PCDHGA12: variants seen among roughly 807,000 people sequenced by gnomAD.
The protein encoded by PCDHGA12 is protocadherin gamma-A12.
In PCDHGA12, 43 loss-of-function variants were observed where a neutral mutation model predicts 61.1. The ratio of observed to expected loss-of-function variants is 0.70; its 90% confidence interval spans 0.55 to 0.91. PCDHGA12 has a LOEUF of 0.91. Among genes scored for constraint, PCDHGA12 ranks in the 40% least tolerant of loss-of-function variants. The probability of loss-of-function intolerance (pLI) is 0.00; values close to 1 mark genes in which losing one functional copy is unlikely to be tolerated. For missense variants in PCDHGA12, 1,236 were observed against 1,227.7 expected (o/e 1.01, Z -0.10); for synonymous variants, 520 against 542.9 (o/e 0.96, Z 0.59).
intron 2 of PCDHGA12, among the ~76,000 whole-genome samples, chr5:141,500,614 C>T (rs1300242596): frequency 1.3e-5 from 2 of 152,204 alleles, no homozygotes; most frequent in African/African-American, 4.8e-5. Context: ...TATTCCCAGT[C>T]ATACGGTACA....
At chr5:141,453,544 C>T (rs540372287) in intron 1 of PCDHGA12, among the ~76,000 whole-genome samples, 12 of 152,310 alleles carry the variant, frequency 7.9e-5, no homozygotes, top group African/African-American at 2.9e-4. Flanking sequence ...ATTCACACCA[C>T]ACTCTGTAGA....
chr5:141,432,949 C>A lies in PCDHGA12; in HGVS notation c.2190C>A (p.Gly730=), dbSNP rs764998032. The part of the protein sequence containing the change: ...HKSRLLQASG[G]GLTGAPASHF... ...CACGCCTGCTGCAGGCTTCAGGAGG[C>A]GGCTTGACAGGAGCGCCGGCGTCGC... The change falls in exon 1 of 4, where the codon GGC becomes GGA. Residue 730 remains glycine (G), a synonymous_variant. Transcript: ENST00000252085. This position sits in a 1 kb window ranked among gnomAD's most constrained non-coding sequence, Gnocchi z 6.0. The A allele has an allele frequency of 1.9e-6, 3 of 1,614,184 alleles. No homozygotes were observed. The highest frequency in any genetic ancestry group is 2.5e-6 in the Non-Finnish European group (3 of 1,180,040).
chr5:141,465,019 G>T (rs533151051), intron 1 of PCDHGA12, among the ~76,000 whole-genome samples: 1 of 151,978 alleles, frequency 6.6e-6, no homozygotes, highest in Non-Finnish European at 1.5e-5. Context: ...TAAGATTACA[G>T]CCATGAACCA....
intron 1 of PCDHGA12, among the ~76,000 whole-genome samples, chr5:141,456,538 A>T (rs1010588747): frequency 7.2e-5 from 11 of 152,184 alleles, no homozygotes; most frequent in Admixed American, 3.3e-4. Context: ...TTAAAGAGGG[A>T]TTGTAGCCAC....
At chr5:141,441,981 C>A in intron 1 of PCDHGA12, 1 of 278,140 alleles carries the variant, frequency 3.6e-6, no homozygotes, top group South Asian at 3.6e-5. Context: ...GCCTGGAATG[C>A]GCACCGACGA....
Position 141,456,380 on chromosome 5 carries a change from C to T in PCDHGA12, c.2424+23197C>T, listed in dbSNP as rs186993611. ...CCATGTGTGGTTCAGTTTACAGCAC[C>T]GTTTGGAGTTTGATTGCTTCTAGGC... is the stretch of plus-strand genomic sequence containing the variant. On this transcript the variant is annotated intron_variant, in intron 1 of 3. Coordinates refer to ENST00000252085, the MANE Select transcript of PCDHGA12 (RefSeq NM_003735.3). Among the ~76,000 whole-genome samples, 427 of 152,082 alleles carry T rather than the reference C, an allele frequency of 2.8e-3. 1 individual carries two copies. Among genetic ancestry groups the T allele is most frequent in the Non-Finnish European group, 2.7e-3 (184 of 68,004 alleles).
chr5:141,451,233 T>A (rs1431967203), intron 1 of PCDHGA12, among the ~76,000 whole-genome samples: 1 of 152,216 alleles, frequency 6.6e-6, no homozygotes, highest in African/African-American at 2.4e-5. Flanking sequence ...GCATTTATTA[T>A]CTCATAAATT....
At chr5:141,454,838 C>G (rs1472341694) in intron 1 of PCDHGA12, among the ~76,000 whole-genome samples, 1 of 100,816 alleles carries the variant, frequency 9.9e-6, no homozygotes, top group South Asian at 3.5e-4. Flanking sequence ...GACAGAGTCG[C>G]GCTCTGTCAC....
rs554845172 is a variant in PCDHGA12 at position 141,485,584 on chromosome 5, G to A, written c.2425-9223G>A. Reference sequence around the variant, plus strand: ...ACGCCCCCCGTTTTCCGCGGCAGCAGCTGGACTTGGAAATTGGGGAGGCAG... The same window carrying A: ...ACGCCCCCCGTTTTCCGCGGCAGCAACTGGACTTGGAAATTGGGGAGGCAG... On this transcript the variant is annotated intron_variant, in intron 1 of 3. Transcript: ENST00000252085. The surrounding 1 kb of genome is among the most constrained non-coding windows in gnomAD (Gnocchi z 5.7). The A allele has an allele frequency of 2.9e-5, 46 of 1,612,498 alleles. 1 individual carries two copies. The South Asian group carries it at 4.5e-4, about 16-fold the overall frequency.
Position 141,430,614 on chromosome 5 carries a change from T to C in PCDHGA12, c.-146T>C, listed in dbSNP as rs1030314096. 7.3e-6 allele frequency: 5 copies of C among 680,636 alleles called. No individual in the cohort carries two copies. In the African/African-American group the frequency reaches 7.4e-5, roughly 10 times the overall value. 42.2% of individuals were successfully genotyped at this position (680,636 alleles called of 1,614,324 possible). ...GCACGCGCCTGAAGCACAAAGCAGA[T>C]AGCTAGGAATGAACCATCCCTGGGA... On this transcript the variant is annotated 5_prime_UTR_variant, in exon 1 of 4. Transcript: ENST00000252085.
intron 1 of PCDHGA12, among the ~76,000 whole-genome samples, chr5:141,482,633 G>T (rs1218163238): frequency 2.0e-5 from 3 of 151,784 alleles, no homozygotes; most frequent in Non-Finnish European, 2.9e-5. Flanking sequence ...AGGAAGAAAT[G>T]ATAGAGGTGG....
At chr5:141,445,632 T>C (rs940642775) in intron 1 of PCDHGA12, among the ~76,000 whole-genome samples, 19 of 152,116 alleles carry the variant, frequency 1.2e-4, no homozygotes, top group Admixed American at 1.1e-3. Flanking sequence ...GAAAGTGATA[T>C]TTAGAGAGAT....
Position 141,491,586 on chromosome 5 carries a change from G to T in PCDHGA12, c.2425-3221G>T, listed in dbSNP as rs373990387. ...ACAGGACGTGCTTTTCACCGGCCTC[G>T]GACGGCAGTGACTTCACTTTTCTAA... On this transcript the variant is annotated intron_variant, in intron 1 of 3. Transcript: ENST00000252085. This position sits in a 1 kb window ranked among gnomAD's most constrained non-coding sequence, Gnocchi z 6.9. 2.1e-5 allele frequency: 34 copies of T among 1,613,792 alleles called. No individual in the cohort carries two copies. In the African/African-American group the frequency reaches 2.4e-4, roughly 11 times the overall value.
chr5:141,453,700 G>T (rs953445370), intron 1 of PCDHGA12, among the ~76,000 whole-genome samples: 1 of 152,166 alleles, frequency 6.6e-6, no homozygotes, highest in East Asian at 1.9e-4. Flanking sequence ...TCCTGGCTTT[G>T]AACAGTTTCA....
Position 141,510,957 on chromosome 5 carries a change from T to C in PCDHGA12, c.2583T>C (p.Asp861=), listed in dbSNP as rs372617587. ...MILASASEAA[D]GSSTLGGGAG... ...CCTCTGTCTCTGCAGAAGCTGCTGA[T>C]GGGAGCTCCACCCTGGGAGGGGGTG... Residue 861 remains aspartate, a synonymous_variant, in exon 4 of 4, where the codon GAT becomes GAC. Transcript: ENST00000252085. 2.5e-6 allele frequency: 4 copies of C among 1,614,134 alleles called. No individual in the cohort carries two copies. The highest frequency in any genetic ancestry group is 3.4e-6 in the Non-Finnish European group (4 of 1,180,004).
chr5:141,506,380 TG>T (rs2099852860), intron 3 of PCDHGA12, among the ~76,000 whole-genome samples: 1 of 141,314 alleles, frequency 7.1e-6, no homozygotes, highest in Non-Finnish European at 1.5e-5. Flanking sequence ...ACCTGGGAGG[TG>T]GCTGTGGTGA....
In PCDHGA12 at chr5:141,491,770, G is replaced by A; in HGVS notation, c.2425-3037G>A. 6.4e-7 allele frequency: 1 copy of A among 1,560,888 alleles called. No individual in the cohort carries two copies. Among genetic ancestry groups the A allele is most frequent in the Non-Finnish European group, 8.7e-7 (1 of 1,154,942 alleles). On this transcript the variant is annotated intron_variant, in intron 1 of 3. Coordinates refer to ENST00000252085, the MANE Select transcript of PCDHGA12 (RefSeq NM_003735.3). This position sits in a 1 kb window ranked among gnomAD's most constrained non-coding sequence, Gnocchi z 6.9. ...TGGAGAAGCCGCCCGTCCTCATAAG[G>A]GATTGAACTTGCATCCACTCCTCTC...
At position 141,460,912 on chromosome 5, in the gene PCDHGA12, G is replaced by GTGTATATA. The variant is rs145509489; in HGVS notation, c.2424+27730_2424+27731insGTATATAT. ...TCGTGGCTGAGTAATATTCCATGGTGTATATATATATATGTGTGTGTGTAT... is the reference window on the plus strand; with the variant it reads ...TCGTGGCTGAGTAATATTCCATGGTGTGTATATATATATATATATATGTGTGTGTGTAT... On this transcript the variant is annotated intron_variant, in intron 1 of 3. Transcript: ENST00000252085. Among the ~76,000 whole-genome samples the GTGTATATA allele has an allele frequency of 5.0e-3, 740 of 149,316 alleles. 4 individuals are homozygous for GTGTATATA. The highest frequency in any genetic ancestry group is 0.015 in the African/African-American group (617 of 40,618).
At chr5:141,436,486 C>A (rs2097826645) in intron 1 of PCDHGA12, among the ~76,000 whole-genome samples, 1 of 152,152 alleles carries the variant, frequency 6.6e-6, no homozygotes. Flanking sequence ...AGAAGGATAG[C>A]AGCTTTGCAA....
Sources: allele counts gnomAD v4.1 joint callset (sites outside exome capture counted in the v4.1 genomes callset), GRCh38; gene constraint gnomAD v4.1.1; non-coding constraint Gnocchi (gnomAD v3.1); transcripts MANE v1.5; gene names NCBI Gene and HGNC (gene_info 2026-07-23, HGNC 2026-07-21).